The following NOC2L variants were observed in gnomAD, a reference collection of about 807,000 sequenced individuals.
NOC2L encodes NOC2 like nucleolar associated transcriptional repressor.
Under a neutral mutation model 94.2 loss-of-function variants are expected in NOC2L, and 101 were observed. The ratio of observed to expected loss-of-function variants is 1.07; its 90% CI spans 0.91 to 1.26. NOC2L has a LOEUF of 1.26. Ranked by LOEUF, NOC2L falls within the 50% of genes most tolerant of loss-of-function variation. The pLI, the probability that NOC2L is intolerant of heterozygous loss-of-function variation, is 0.00. For synonymous variants in NOC2L, 531 were observed against 413.4 expected (o/e 1.28, Z -3.45); for missense variants, 1,076 against 980.1 (o/e 1.10, Z -1.31).
intron 8 of NOC2L, 102 bp downstream of exon 8, chr1:953,680 G>C: frequency 1.2e-6 from 1 of 859,708 alleles, no homozygotes. Context: ...CCAGTGGAGT[G>C]TGGGCACCAC....
intron 6 of NOC2L, 151 bp from the exon 7 acceptor site, chr1:954,233 C>T (rs753751135): frequency 2.3e-5 from 15 of 657,568 alleles, no homozygotes; most frequent in Non-Finnish European, 3.4e-5. Flanking sequence ...GGGCCCCTTA[C>T]AGCTGGACAG....
chr1:946,451 C>CAGAT lies in NOC2L; in HGVS notation c.1750_1753dup (p.Cys585TyrfsTer14). On this transcript the variant is annotated frameshift_variant, in exon 15 of 19. Coordinates refer to ENST00000327044, the MANE Select transcript of NOC2L (RefSeq NM_015658.4). LOFTEE classifies it high-confidence loss of function. ...GAAGGAAACCCTCTGGCGGCGGCTG[C>CAGAT]AGATGTATGCCGAGTTCTCCTGAAC... is the stretch of plus-strand genomic sequence containing the variant. 1 of 1,613,374 alleles carries CAGAT rather than the reference C, an allele frequency of 6.2e-7. No individual in the cohort carries two copies. Among genetic ancestry groups the CAGAT allele is most frequent in the Non-Finnish European group, 8.5e-7 (1 of 1,180,008 alleles).
intron 8 of NOC2L, 124 bp from the exon 9 acceptor site, chr1:953,412 C>CG: frequency 1.5e-6 from 1 of 645,540 alleles, no homozygotes; most frequent in Non-Finnish European, 2.8e-6. Flanking sequence ...CAAAGCACCT[C>CG]GGGGGAGCCG....
At chr1:945,473 C>T in intron 17 of NOC2L, 45 bp downstream of exon 17, 4 of 1,607,242 alleles carry the variant, frequency 2.5e-6, no homozygotes, top group Non-Finnish European at 3.4e-6. Context: ...TCCAGCAGAG[C>T]CCTCCAGGCC....
rs1642025375 is a variant in NOC2L, at chr1:944,450, A to G, written c.*244T>C. ...GTCTCGGTCTGCTGACGTCAGGGTC[A>G]GCTCCCCCGCGGAGCTGACTTCAGC... On this transcript the variant is annotated 3_prime_UTR_variant, in exon 19 of 19. Transcript: ENST00000327044. 7.8e-6 allele frequency: 7 copies of G among 896,734 alleles called. No homozygotes were observed. The South Asian group carries it at 1.1e-4, about 14-fold the overall frequency. The allele number at this position is 896,734 out of a possible 1,614,324, so 55.5% of individuals were successfully genotyped here. A position where few individuals can be genotyped will look rare whatever the true frequency, so the allele number is the denominator to read the frequency against.
Position 952,110 on chromosome 1 carries a change from C to T in NOC2L, c.1221G>A (p.Gln407=). 6.2e-7 allele frequency: 1 copy of T among 1,613,698 alleles called. No homozygotes were observed. Residue 407 remains glutamine (Q), a synonymous_variant, in exon 11 of 19, where the codon CAG becomes CAA. Coordinates refer to ENST00000327044, the MANE Select transcript of NOC2L (RefSeq NM_015658.4). ...ACCACAGGAAGAGGCAGTGCACATA[C>T]TGCCAGTTGTACACAGACTGGTATG... is the stretch of plus-strand genomic sequence containing the variant. The part of the protein sequence containing the change: ...KETYQSVYNW[Q]YVHCLFLWCR...
rs56106321 is a variant in NOC2L, at chr1:950,944, G to A, written c.1443+183C>T. On this transcript the variant is annotated intron_variant, in intron 12 of 18. Coordinates refer to ENST00000327044, the MANE Select transcript of NOC2L (RefSeq NM_015658.4). Reference sequence around the variant, plus strand: ...AGCAGCAGCCGCCTTCATCCCCAGTGGTCCCACGTTCCCCAACACTGCCCC... The same window carrying A: ...AGCAGCAGCCGCCTTCATCCCCAGTAGTCCCACGTTCCCCAACACTGCCCC... Among the ~76,000 whole-genome samples, 334 of 152,302 alleles carry A rather than the reference G, an allele frequency of 2.2e-3. 1 individual carries two copies. The highest frequency in any genetic ancestry group is 7.8e-3 in the African/African-American group (324 of 41,562).
Position 957,137 on chromosome 1 carries a change from C to A in NOC2L, c.316G>T (p.Glu106Ter), listed in dbSNP as rs1206772374. 1 of 1,614,110 alleles carries A rather than the reference C, an allele frequency of 6.2e-7. No homozygotes were observed. Among genetic ancestry groups the A allele is most frequent in the Non-Finnish European group, 8.5e-7 (1 of 1,180,046 alleles). ...NFSDSDSSEE[E>*]EGPFHSLPDV... ...GGCAGGGAGTGGAACGGCCCCTCTT[C>A]CTCCTCAGAGCTGTCCGAGTCGCTG... The change falls in exon 3 of 19, where the codon GAA (glutamate) becomes TAA (stop). Residue 106 changes from glutamate (E) to a stop codon, truncating the protein, a stop_gained. Transcript: ENST00000327044. LOFTEE classifies it high-confidence loss of function.
chr1:950,952 G>A (rs1422810305), intron 12 of NOC2L, among the ~76,000 whole-genome samples, 175 bp downstream of exon 12: 3 of 152,136 alleles, frequency 2.0e-5, no homozygotes, highest in Non-Finnish European at 4.4e-5. Flanking sequence ...GTGGTCCCAC[G>A]TTCCCCAACA....
At chr1:950,665 AC>A (rs1642235213) in intron 12 of NOC2L, among the ~76,000 whole-genome samples, 2 of 39,648 alleles carry the variant, frequency 5.0e-5, no homozygotes, top group South Asian at 9.5e-4. Flanking sequence ...ATATGCACAC[AC>A]ACACAGATTT....
At chr1:945,824 T>C (rs1251943635) in intron 16 of NOC2L, among the ~76,000 whole-genome samples, 171 bp from the exon 17 acceptor site, 1 of 152,162 alleles carries the variant, frequency 6.6e-6, no homozygotes, top group East Asian at 1.9e-4. Context: ...ATGTCCAAGG[T>C]CAAAGGCAGA....
At position 945,009 on chromosome 1, in the gene NOC2L, G is replaced by A. The variant is rs199926223; in HGVS notation, c.2143+48C>T. 3.0e-4 allele frequency: 491 copies of A among 1,612,840 alleles called. 3 individuals carry two copies. Among genetic ancestry groups the A allele is most frequent in the Middle Eastern group, 5.0e-4 (3 of 6,050 alleles). On this transcript the variant is annotated intron_variant, in intron 18 of 18. Transcript: ENST00000327044. The stretch of plus-strand genomic sequence containing the variant: ...CCCGCCCACGTGGCTCTGCCCTCCC[G>A]CCAGATGGGCTCACAGGGCCACACC...
chr1:957,400 C>T lies in NOC2L; in HGVS notation c.180-127G>A, dbSNP rs116434423. The T allele has an allele frequency of 7.5e-4, 686 of 919,320 alleles. 1 individual carries two copies. In the African/African-American group the frequency reaches 0.011, roughly 14 times the overall value. 56.9% of individuals were successfully genotyped at this position (919,320 alleles called of 1,614,324 possible). ...AGCAAGACAGGATTGCCAGGAGGTA[C>T]GTTTTTGGCAGACTCACGTCTCCTA... On this transcript the variant is annotated intron_variant, in intron 2 of 18. Transcript: ENST00000327044.
chr1:953,935 C>G, intron 7 of NOC2L, 43 bp from the exon 8 acceptor site: 1 of 1,608,374 alleles, frequency 6.2e-7, no homozygotes, highest in Non-Finnish European at 8.5e-7. Context: ...CCCATGTATT[C>G]TGGGATACAA....
At chr1:958,550 T>C (rs1642481127) in intron 2 of NOC2L, 1 of 425,224 alleles carries the variant, frequency 2.4e-6, no homozygotes, top group Non-Finnish European at 4.7e-6. Context: ...GAGCACAGCC[T>C]CCGCTCCTTC....
At chr1:948,357 T>C in intron 13 of NOC2L, 125 bp from the exon 14 acceptor site, 1 of 1,048,690 alleles carries the variant, frequency 9.5e-7, no homozygotes, top group Non-Finnish European at 1.4e-6. Context: ...AAGGGGCTCC[T>C]GGGCCCCAGC....
Position 959,217 on chromosome 1 carries a change from C to T in NOC2L, c.24G>A (p.Lys8=), listed in dbSNP as rs763456845. Residue 8 remains lysine, a splice_region_variant and synonymous_variant, in exon 1 of 19, where the codon AAG becomes AAA. Transcript: ENST00000327044. ...CGGCCCTCGGACCCGCGGCTTACCT[C>T]TTGCGGCTCCCCGCAGCTGCCATGA... The part of the protein sequence containing the change: MAAAGSR[K]RRLAELTVDE... 4 of 1,608,890 alleles carry T rather than the reference C, an allele frequency of 2.5e-6. No homozygotes were observed. Among genetic ancestry groups the T allele is most frequent in the Non-Finnish European group, 3.4e-6 (4 of 1,178,398 alleles).
chr1:947,815 C>T (rs1008080811), intron 14 of NOC2L, among the ~76,000 whole-genome samples: 1 of 152,232 alleles, frequency 6.6e-6, no homozygotes, highest in Non-Finnish European at 1.5e-5. Flanking sequence ...ATCAGCGTAC[C>T]AGCCTGAGCC....
chr1:959,143 G>A lies in NOC2L; in HGVS notation c.27-62C>T, dbSNP rs566891097. ...CCAGCTCGCCCCAGCCCCGCTGAGA[G>A]GAGCAAGAAAAGCCCCCTTGGATAC... On this transcript the variant is annotated intron_variant, in intron 1 of 18. Coordinates refer to ENST00000327044, the MANE Select transcript of NOC2L (RefSeq NM_015658.4). The A allele has an allele frequency of 3.0e-4, 488 of 1,611,910 alleles. 4 individuals carry two copies. In the African/African-American group the frequency reaches 4.9e-3, roughly 16 times the overall value.
Sources: gnomAD v4.1 joint callset for allele counts (sites outside exome capture counted in the v4.1 genomes callset) on GRCh38, gnomAD v4.1.1 for gene constraint, MANE v1.5 for transcripts, NCBI Gene and HGNC (gene_info 2026-07-23, HGNC 2026-07-21) for gene names.